Variants in DCC observed in about 807,000 individuals in gnomAD.
DCC encodes DCC netrin 1 receptor, also known as netrin receptor DCC.
In DCC, 58 loss-of-function variants were observed where a neutral mutation model predicts 172.5. The observed-to-expected ratio is 0.34, with a 90% CI of 0.27 to 0.42. The LOEUF (loss-of-function observed/expected upper bound fraction) is 0.42, where lower values mean the gene tolerates loss of function less well. Among genes scored for constraint, DCC ranks in the 10% least tolerant of loss-of-function variants. DCC has a pLI of 1.00. For missense variants in DCC, 1,740 were observed against 1,791.0 expected, an observed-to-expected ratio of 0.97 and a Z score of 0.51; for synonymous variants, 709 against 644.5, an observed-to-expected ratio of 1.10 and a Z score of -1.52.
At chr18:53,325,124 C>G (rs8092279) in intron 14 of DCC, among the ~76,000 whole-genome samples, 22,293 of 140,392 alleles carry the variant, frequency 0.16, 2,238 homozygotes, top group African/African-American at 0.31. Context: ...ACCCGGGAGG[C>G]AGAGGTAGCA....
intron 5 of DCC, among the ~76,000 whole-genome samples, chr18:52,947,509 T>C (rs1421846721): frequency 6.6e-6 from 1 of 152,106 alleles, no homozygotes; most frequent in African/African-American, 2.4e-5. Flanking sequence ...CTTGAGGATG[T>C]TTCTATAAAC....
chr18:52,598,629 TTCTGCGGATCATAG>T (rs1177555518), intron 1 of DCC, among the ~76,000 whole-genome samples: 1 of 152,260 alleles, frequency 6.6e-6, no homozygotes, highest in Non-Finnish European at 1.5e-5. Flanking sequence ...GGCTCTATTC[TTCTGCGGATCATAG>T]CCCATGTAGC....
At chr18:52,570,687 T>C (rs1598921404) in intron 1 of DCC, among the ~76,000 whole-genome samples, 1 of 152,312 alleles carries the variant, frequency 6.6e-6, no homozygotes, top group Non-Finnish European at 1.5e-5. Context: ...TAAGCAGCAG[T>C]TTGGTCTCAT....
At chr18:53,298,256 A>G (rs4940249) in intron 12 of DCC, among the ~76,000 whole-genome samples, 22,811 of 152,062 alleles carry the variant, frequency 0.15, 2,463 homozygotes, top group African/African-American at 0.3. Flanking sequence ...TAGACTCATA[A>G]CTGGGGATGG....
intron 2 of DCC, among the ~76,000 whole-genome samples, chr18:52,816,474 C>G (rs2038298622): frequency 6.6e-6 from 1 of 152,170 alleles, no homozygotes; most frequent in South Asian, 2.1e-4. Context: ...CAGAATTCAT[C>G]AGTATATTGA....
chr18:52,358,714 G>T (rs1463848952), intron 1 of DCC, among the ~76,000 whole-genome samples: 3 of 152,084 alleles, frequency 2.0e-5, no homozygotes. Flanking sequence ...CATGTTTCTA[G>T]GAGTCCTAAG....
At chr18:53,091,171 C>T (rs923328899) in intron 7 of DCC, among the ~76,000 whole-genome samples, 16 of 151,792 alleles carry the variant, frequency 1.1e-4, no homozygotes, top group African/African-American at 3.9e-4. Context: ...AATTAGACTT[C>T]CAATAAATTT....
At chr18:52,345,944 C>T (rs1231415200) in intron 1 of DCC, among the ~76,000 whole-genome samples, 8 of 152,136 alleles carry the variant, frequency 5.3e-5, no homozygotes, top group African/African-American at 1.4e-4. Context: ...TTATGCCAAC[C>T]TAGTTAAGCT....
chr18:53,108,231 T>C (rs1351386051), intron 7 of DCC, among the ~76,000 whole-genome samples: 1 of 151,716 alleles, frequency 6.6e-6, no homozygotes, highest in Non-Finnish European at 1.5e-5. Context: ...CTTAATTCCT[T>C]TGAGTCAAGA....
At chr18:52,458,928 G>A (rs1485191570) in intron 1 of DCC, among the ~76,000 whole-genome samples, 6 of 151,992 alleles carry the variant, frequency 3.9e-5, no homozygotes, top group African/African-American at 7.3e-5. Flanking sequence ...TAATTATGTC[G>A]CTTGAGCCTG....
chr18:53,247,847 A>G (rs1384322442), intron 12 of DCC, among the ~76,000 whole-genome samples: 2 of 151,986 alleles, frequency 1.3e-5, no homozygotes, highest in Non-Finnish European at 2.9e-5. Flanking sequence ...TTTATTTTCA[A>G]CAGAGCCACA....
intron 2 of DCC, among the ~76,000 whole-genome samples, chr18:52,863,543 C>G (rs1229662109): frequency 6.6e-6 from 1 of 151,626 alleles, no homozygotes; most frequent in Non-Finnish European, 1.5e-5. Flanking sequence ...TAATTAATGT[C>G]TTAGCATTAT....
intron 5 of DCC, among the ~76,000 whole-genome samples, chr18:52,943,780 C>T (rs2040499791): frequency 1.3e-5 from 2 of 151,740 alleles, no homozygotes; most frequent in Non-Finnish European, 2.9e-5. Context: ...GATGGAGTCT[C>T]ACTCTGTCAC....
chr18:53,351,416 TAC>T (rs67261469), intron 15 of DCC, among the ~76,000 whole-genome samples: 5,541 of 14,664 alleles, frequency 0.38, 1,020 homozygotes, highest in African/African-American at 0.46. Context: ...TATATATATA[TAC>T]ACACTGTGTA....
intron 7 of DCC, among the ~76,000 whole-genome samples, chr18:53,087,309 T>C (rs1163558158): frequency 6.6e-6 from 1 of 151,528 alleles, no homozygotes; most frequent in Non-Finnish European, 1.5e-5. Flanking sequence ...TGCTGTGAGA[T>C]GGTATCTCAT....
intron 7 of DCC, among the ~76,000 whole-genome samples, chr18:53,090,525 C>T (rs867764784): frequency 9.3e-5 from 14 of 151,158 alleles, no homozygotes; most frequent in Middle Eastern, 6.9e-3. Context: ...AATTCCGTCT[C>T]TACTAACGAT....
intron 1 of DCC, among the ~76,000 whole-genome samples, chr18:52,742,506 T>G (rs2036838893): frequency 6.6e-6 from 1 of 152,190 alleles, no homozygotes; most frequent in African/African-American, 2.4e-5. Context: ...CCTGATGCAG[T>G]AGGTGCTCAA....
At chr18:53,345,600 A>G (rs965973813) in intron 15 of DCC, among the ~76,000 whole-genome samples, 2 of 152,166 alleles carry the variant, frequency 1.3e-5, no homozygotes, top group African/African-American at 2.4e-5. Context: ...TTCTTATCCA[A>G]TGTTATTTCC....
At chr18:52,896,759 G>A (rs1393640227) in intron 2 of DCC, among the ~76,000 whole-genome samples, 2 of 152,128 alleles carry the variant, frequency 1.3e-5, no homozygotes, top group East Asian at 3.9e-4. Context: ...GCTCACGCTT[G>A]TCTGATTGTT....
Sources: allele counts gnomAD v4.1 joint callset (sites outside exome capture counted in the v4.1 genomes callset), GRCh38; gene constraint gnomAD v4.1.1; transcripts MANE v1.5; gene names NCBI Gene and HGNC (gene_info 2026-07-23, HGNC 2026-07-21).